Variants in ERVV-1 observed in about 807,000 individuals in gnomAD.
ERVV-1 encodes the protein endogenous retrovirus group V member 1 Env polyprotein.
For missense variants in ERVV-1, 150 were observed against 456.5 expected (o/e 0.33, Z 6.12); for synonymous variants, 59 against 170.2 (o/e 0.35, Z 5.09).
Position 53,014,873 on chromosome 19 carries a change from A to G in ERVV-1, c.783A>G (p.Gln261=). ...GCTATGTATTTTTATGTGGGCCACA[A>G]AAAAATAAACTGCCCTTTGATGGAA... ...PPGYVFLCGP[Q]KNKLPFDGSP... Residue 261 remains glutamine, a synonymous_variant, in exon 1 of 1, where the codon CAA becomes CAG. Coordinates refer to ENST00000602168, the MANE Select transcript of ERVV-1 (RefSeq NM_152473.3). 6.5e-7 allele frequency: 1 copy of G among 1,535,628 alleles called. No homozygotes were observed. The highest frequency in any genetic ancestry group is 2.4e-5 in the East Asian group (1 of 40,864).
At position 53,016,045 on chromosome 19, in the gene ERVV-1, T is replaced by TC. The variant is rs1190874396; in HGVS notation, c.*525dup. 3 of 154,392 alleles carry TC rather than the reference T, an allele frequency of 1.9e-5. No homozygotes were observed. The highest frequency in any genetic ancestry group is 7.2e-5 in the African/African-American group (3 of 41,480). 9.6% of individuals were successfully genotyped at this position (154,392 alleles called of 1,614,324 possible). On this transcript the variant is annotated 3_prime_UTR_variant, in exon 1 of 1. Transcript: ENST00000602168. ...CAGAGGTTACCAAGGTAGGAGCTAT[T>TC]CCCCACTAAGAAGCATGTATACTTC... is the stretch of plus-strand genomic sequence containing the variant.
rs1349064987 is a variant in ERVV-1, at chr19:53,015,363, G to C, written c.1273G>C (p.Asp425His). Reference protein sequence around the residue: ...AIEEDIKKIYDEVTWLHNFGK... With the variant: ...AIEEDIKKIYHEVTWLHNFGK... ...AGAGGAGGATATAAAAAAGATCTATGATGAGGTTACGTGGCTCCATAACTT... is the reference window on the plus strand; with the variant it reads ...AGAGGAGGATATAAAAAAGATCTATCATGAGGTTACGTGGCTCCATAACTT... The change falls in exon 1 of 1, where the codon GAT becomes CAT. Residue 425 changes from aspartate to histidine, a missense_variant. Physicochemically the swap from Asp to His is moderately conservative, Grantham distance 81 (BLOSUM62 -1). Coordinates refer to ENST00000602168, the MANE Select transcript of ERVV-1 (RefSeq NM_152473.3). The C allele has an allele frequency of 1.4e-6, 1 of 704,566 alleles. No homozygotes were observed. The highest frequency in any genetic ancestry group is 2.6e-6 in the Non-Finnish European group (1 of 386,490). 43.6% of individuals were successfully genotyped at this position (704,566 alleles called of 1,614,324 possible). A position where few individuals can be genotyped will look rare whatever the true frequency, so the allele number is the denominator to read the frequency against.
Position 53,015,126 on chromosome 19 carries a change from G to T in ERVV-1, c.1036G>T (p.Asp346Tyr). 1 of 858,294 alleles carries T rather than the reference G, an allele frequency of 1.2e-6. No individual in the cohort carries two copies. The highest frequency in any genetic ancestry group is 1.9e-6 in the Non-Finnish European group (1 of 529,376). The allele number at this position is 858,294 out of a possible 1,614,324, so 53.2% of individuals were successfully genotyped here. Residue 346 changes from aspartate to tyrosine, a missense_variant, in exon 1 of 1, where the codon GAT becomes TAT. Coordinates refer to ENST00000602168, the MANE Select transcript of ERVV-1 (RefSeq NM_152473.3). ...IAPWGGFTYH[D>Y]VTLRNLSRQI... The stretch of plus-strand genomic sequence containing the variant: ...CCCATGGGGAGGGTTCACTTATCAT[G>T]ATGTCACCCTCAGAAATCTCTCCAG...
rs111559164 is a variant in ERVV-1 at position 53,015,863 on chromosome 19, C to T, written c.*339C>T. 2 of 216,540 alleles carry T rather than the reference C, an allele frequency of 9.2e-6. No homozygotes were observed. The highest frequency in any genetic ancestry group is 4.6e-5 in the African/African-American group (2 of 43,268). 13.4% of individuals were successfully genotyped at this position (216,540 alleles called of 1,614,324 possible). A position where few individuals can be genotyped will look rare whatever the true frequency, so the allele number is the denominator to read the frequency against. ...AGCCAGACAAGAGCAGGCAAGGAAG[C>T]CCCTGGGAAAGGAATCTTTAGAAAT... On this transcript the variant is annotated 3_prime_UTR_variant, in exon 1 of 1. Transcript: ENST00000602168.
chr19:53,015,796 G>A lies in ERVV-1; in HGVS notation c.*272G>A, dbSNP rs895188176. 2 of 357,586 alleles carry A rather than the reference G, an allele frequency of 5.6e-6. No homozygotes were observed. The highest frequency in any genetic ancestry group is 4.3e-5 in the African/African-American group (2 of 46,972). The allele number at this position is 357,586 out of a possible 1,614,324, so 22.2% of individuals were successfully genotyped here. On this transcript the variant is annotated 3_prime_UTR_variant, in exon 1 of 1. Coordinates refer to ENST00000602168, the MANE Select transcript of ERVV-1 (RefSeq NM_152473.3). ...GTCCTTATGCCCAAAGCTTTTCAGG[G>A]TCTCCAACTCTTGAGGGGGAATACT... is the stretch of plus-strand genomic sequence containing the variant.
In ERVV-1 at chr19:53,014,614, G is replaced by T; in HGVS notation, c.524G>T (p.Arg175Leu). 6.6e-7 allele frequency: 1 copy of T among 1,524,416 alleles called. No homozygotes were observed. Among genetic ancestry groups the T allele is most frequent in the South Asian group, 1.2e-5 (1 of 83,788 alleles). The allele number at this position is 1,524,416 out of a possible 1,614,324, so 94.4% of individuals were successfully genotyped here. ...WCPAKQMNDY[R>L]DKSPQNRCAA... Reference sequence around the variant, plus strand: ...CCAGCTAAACAAATGAACGATTATCGAGACAAGTCACCCCAAAACCGCTGT... The same window carrying T: ...CCAGCTAAACAAATGAACGATTATCTAGACAAGTCACCCCAAAACCGCTGT... Residue 175 changes from arginine to leucine, a missense_variant, in exon 1 of 1, where the codon CGA (arginine) becomes CTA (leucine). Physicochemically the swap from Arg to Leu is moderately radical, Grantham distance 102. Transcript: ENST00000602168.
At position 53,014,327 on chromosome 19, in the gene ERVV-1, A is replaced by G. The variant is rs2122253586; in HGVS notation, c.237A>G (p.Gln79=). ...LTFGSGIPEG[Q]HKSVPLQVSL... ...TTGGTTCAGGAATCCCTGAAGGCCA[A>G]CATAAATCTGTTCCGCTCCAGGTTT... Residue 79 remains glutamine (Q), a synonymous_variant, in exon 1 of 1, where the codon CAA becomes CAG. Coordinates refer to ENST00000602168, the MANE Select transcript of ERVV-1 (RefSeq NM_152473.3). 3.3e-6 allele frequency: 3 copies of G among 903,038 alleles called. No individual in the cohort carries two copies. The highest frequency in any genetic ancestry group is 3.3e-4 in the Middle Eastern group (1 of 2,992). 55.9% of individuals were successfully genotyped at this position (903,038 alleles called of 1,614,324 possible). A position where few individuals can be genotyped will look rare whatever the true frequency, so the allele number is the denominator to read the frequency against.
At chr19:53,015,047 A>AAGAG in the ERVV-1 span, 1 of 1,462,152 alleles carries the variant, frequency 6.8e-7, no homozygotes, top group African/African-American at 1.4e-5. Flanking sequence ...CCAGACAGAA[A>AAGAG]AGAGCTCTGG....
Position 53,014,932 on chromosome 19 carries a change from C to T in ERVV-1, c.842C>T (p.Ala281Val). ...ATAACTTATTCAACCCCCCCTGTGG[C>T]AAACCTCTACACTTGCATTAATAAC... ...PKITYSTPPV[A>V]NLYTCINNIQ... The change falls in exon 1 of 1, where the codon GCA becomes GTA. Residue 281 changes from alanine to valine, a missense_variant. By Grantham distance (64) the Ala-to-Val change is moderately conservative. Transcript: ENST00000602168. The T allele has an allele frequency of 6.5e-7, 1 of 1,535,910 alleles. No homozygotes were observed. The highest frequency in any genetic ancestry group is 8.7e-7 in the Non-Finnish European group (1 of 1,146,748).
Position 53,013,982 on chromosome 19 carries a change from A to G in ERVV-1, c.-109A>G, listed in dbSNP as rs990526707. ...CACTGGCATGCCACCTGAAGTCCCGATAACAGCCTGATTTCTCACTAAACA... is the reference window on the plus strand; with the variant it reads ...CACTGGCATGCCACCTGAAGTCCCGGTAACAGCCTGATTTCTCACTAAACA... On this transcript the variant is annotated 5_prime_UTR_variant, in exon 1 of 1. Coordinates refer to ENST00000602168, the MANE Select transcript of ERVV-1 (RefSeq NM_152473.3). 9 of 1,511,620 alleles carry G rather than the reference A, an allele frequency of 6.0e-6. No homozygotes were observed. The African/African-American group carries it at 1.2e-4, about 21-fold the overall frequency. The allele number at this position is 1,511,620 out of a possible 1,614,324, so 93.6% of individuals were successfully genotyped here. A position where few individuals can be genotyped will look rare whatever the true frequency, so the allele number is the denominator to read the frequency against.
chr19:53,015,559 C>A lies in ERVV-1; in HGVS notation c.*35C>A. 1.6e-6 allele frequency: 1 copy of A among 615,088 alleles called. No homozygotes were observed. Among genetic ancestry groups the A allele is most frequent in the Non-Finnish European group, 2.9e-6 (1 of 345,762 alleles). 38.1% of individuals were successfully genotyped at this position (615,088 alleles called of 1,614,324 possible). ...TAAATATGTCTCTTCCAGGATATGG[C>A]AATTTCACACAGAGCCCCTAAAAAT... On this transcript the variant is annotated 3_prime_UTR_variant, in exon 1 of 1. Transcript: ENST00000602168.
At position 53,015,959 on chromosome 19, in the gene ERVV-1, G is replaced by GAT; in HGVS notation, c.*435_*436insAT. On this transcript the variant is annotated 3_prime_UTR_variant, in exon 1 of 1. Coordinates refer to ENST00000602168, the MANE Select transcript of ERVV-1 (RefSeq NM_152473.3). ...CAAAAGGAGGAGCGTGGCTACACTG[G>GAT]CTACACCTGGCCTTGTGGCTGCATT... 4.9e-5 allele frequency: 8 copies of GAT among 164,570 alleles called. No homozygotes were observed. Among genetic ancestry groups the GAT allele is most frequent in the South Asian group, 1.9e-4 (1 of 5,132 alleles). The allele number at this position is 164,570 out of a possible 1,614,324, so 10.2% of individuals were successfully genotyped here. A position where few individuals can be genotyped will look rare whatever the true frequency, so the allele number is the denominator to read the frequency against.
Position 53,013,974 on chromosome 19 carries a change from A to G in ERVV-1, c.-117A>G, listed in dbSNP as rs1283652879. On this transcript the variant is annotated 5_prime_UTR_variant, in exon 1 of 1. Transcript: ENST00000602168. The stretch of plus-strand genomic sequence containing the variant: ...TTGACCCACACTGGCATGCCACCTG[A>G]AGTCCCGATAACAGCCTGATTTCTC... The G allele has an allele frequency of 6.7e-7, 1 of 1,483,152 alleles. No homozygotes were observed. The highest frequency in any genetic ancestry group is 1.4e-5 in the African/African-American group (1 of 71,438). The allele number at this position is 1,483,152 out of a possible 1,614,324, so 91.9% of individuals were successfully genotyped here.
chr19:53,014,170 C>A lies in ERVV-1; in HGVS notation c.80C>A (p.Ser27Tyr). 6.8e-7 allele frequency: 1 copy of A among 1,476,656 alleles called. No individual in the cohort carries two copies. The highest frequency in any genetic ancestry group is 9.1e-7 in the Non-Finnish European group (1 of 1,100,728). The allele number at this position is 1,476,656 out of a possible 1,614,324, so 91.5% of individuals were successfully genotyped here. Residue 27 changes from serine to tyrosine, a missense_variant, in exon 1 of 1, where the codon TCC (serine) becomes TAC (tyrosine). By Grantham distance (144) the Ser-to-Tyr change is moderately radical. Coordinates refer to ENST00000602168, the MANE Select transcript of ERVV-1 (RefSeq NM_152473.3). ...TCACAGGCACAGTGGAATGAAAATT[C>A]CCTTGTCAGTTTTTCCAAAATAATT... ...LLSQAQWNEN[S>Y]LVSFSKIIAS...
Position 53,014,971 on chromosome 19 carries a change from G to A in ERVV-1, c.881G>A (p.Gly294Glu), listed in dbSNP as rs1355917575. ...TGCATTAATAACATCCAACATACGG[G>A]AGAATGTGCTGTGGGACTTTTGGGA... ...YTCINNIQHT[G>E]ECAVGLLGPR... is the part of the protein sequence containing the mutation. Residue 294 changes from glycine to glutamate, a missense_variant, in exon 1 of 1, where the codon GGA becomes GAA. By Grantham distance (98) the Gly-to-Glu change is moderately conservative. Coordinates refer to ENST00000602168, the MANE Select transcript of ERVV-1 (RefSeq NM_152473.3). The A allele has an allele frequency of 2.0e-6, 3 of 1,535,624 alleles. No homozygotes were observed.
chr19:53,015,510 C>T lies in ERVV-1; in HGVS notation c.1420C>T (p.Pro474Ser), dbSNP rs1201197253. ...TAATAGCCTGCTTTCTCCTCTTTGG[C>T]CCTTGTCTCTATAATTCACTAATTA... is the stretch of plus-strand genomic sequence containing the variant. Reference protein sequence around the residue: ...ALNSLLSPLWPLSL With the variant: ...ALNSLLSPLWSLSL Residue 474 changes from proline to serine, a missense_variant, in exon 1 of 1, where the codon CCC becomes TCC. By Grantham distance (74) the Pro-to-Ser change is moderately conservative (BLOSUM62 -1). Transcript: ENST00000602168. The T allele has an allele frequency of 1.5e-6, 1 of 659,710 alleles. No homozygotes were observed. Among genetic ancestry groups the T allele is most frequent in the Non-Finnish European group, 2.7e-6 (1 of 367,240 alleles). The allele number at this position is 659,710 out of a possible 1,614,324, so 40.9% of individuals were successfully genotyped here. A position where few individuals can be genotyped will look rare whatever the true frequency, so the allele number is the denominator to read the frequency against.
rs184218809 is a variant in ERVV-1 at position 53,015,337 on chromosome 19, T to A, written c.1247T>A (p.Ile416Lys). 3 of 704,988 alleles carry A rather than the reference T, an allele frequency of 4.3e-6. No individual in the cohort carries two copies. In the African/African-American group the frequency reaches 5.2e-5, roughly 12 times the overall value. 43.7% of individuals were successfully genotyped at this position (704,988 alleles called of 1,614,324 possible). Residue 416 changes from isoleucine to lysine, a missense_variant, in exon 1 of 1, where the codon ATA becomes AAA. Physicochemically the swap from Ile to Lys is moderately radical, Grantham distance 102. Coordinates refer to ENST00000602168, the MANE Select transcript of ERVV-1 (RefSeq NM_152473.3). ...ATTTATGTCAATAACAGTGGGGCGA[T>A]AGAGGAGGATATAAAAAAGATCTAT... Reference protein sequence around the residue: ...CCIYVNNSGAIEEDIKKIYDE... With the variant: ...CCIYVNNSGAKEEDIKKIYDE...
At position 53,016,062 on chromosome 19, in the gene ERVV-1, G is replaced by T. The variant is rs1488517954; in HGVS notation, c.*538G>T. ...GGAGCTATTCCCCACTAAGAAGCAT[G>T]TATACTTCTCTAATAATTCACCCTA... is the stretch of plus-strand genomic sequence containing the variant. On this transcript the variant is annotated 3_prime_UTR_variant, in exon 1 of 1. Transcript: ENST00000602168. 1 of 153,184 alleles carries T rather than the reference G, an allele frequency of 6.5e-6. No individual in the cohort carries two copies. The highest frequency in any genetic ancestry group is 1.5e-5 in the Non-Finnish European group (1 of 68,874). The allele number at this position is 153,184 out of a possible 1,614,324, so 9.5% of individuals were successfully genotyped here. A position where few individuals can be genotyped will look rare whatever the true frequency, so the allele number is the denominator to read the frequency against.
At position 53,015,308 on chromosome 19, in the gene ERVV-1, T is replaced by C. The variant is rs953703076; in HGVS notation, c.1218T>C (p.Cys406=). The C allele has an allele frequency of 2.4e-5, 17 of 708,646 alleles. No individual in the cohort carries two copies. Among genetic ancestry groups the C allele is most frequent in the Admixed American group, 2.2e-4 (11 of 49,998 alleles). The allele number at this position is 708,646 out of a possible 1,614,324, so 43.9% of individuals were successfully genotyped here. A position where few individuals can be genotyped will look rare whatever the true frequency, so the allele number is the denominator to read the frequency against. The change falls in exon 1 of 1, where the codon TGT becomes TGC. Residue 406 remains cysteine (C), a synonymous_variant. Coordinates refer to ENST00000602168, the MANE Select transcript of ERVV-1 (RefSeq NM_152473.3). ...GGVCAVISKS[C]CIYVNNSGAI... Reference sequence around the variant, plus strand: ...TCTGTGCAGTGATCAGTAAATCCTGTTGCATTTATGTCAATAACAGTGGGG... The same window carrying C: ...TCTGTGCAGTGATCAGTAAATCCTGCTGCATTTATGTCAATAACAGTGGGG...
Sources: allele counts gnomAD v4.1 joint callset, GRCh38; gene constraint gnomAD v4.1.1; transcripts MANE v1.5; gene names NCBI Gene and HGNC (gene_info 2026-07-23, HGNC 2026-07-21).